Variants in FAT3 observed in about 807,000 individuals in gnomAD.
FAT3 encodes the protein FAT atypical cadherin 3, also known as protocadherin Fat 3.
A neutral mutation model predicts 310.2 loss-of-function variants in FAT3; 95 were observed. That is an observed-to-expected ratio of 0.31 (90% CI 0.26 to 0.36). The LOEUF (loss-of-function observed/expected upper bound fraction) is 0.36, where lower values mean the gene tolerates loss of function less well. FAT3 is among the 10% of genes least tolerant of loss of function. The pLI is 1.00. For missense variants in FAT3, 5,408 were observed against 5,715.6 expected (o/e 0.95, Z 1.74); for synonymous variants, 2,314 against 2,192.9 (o/e 1.06, Z -1.54).
At chr11:92,298,537 A>G (rs988241516) in intron 1 of FAT3, among the ~76,000 whole-genome samples, 1 of 152,144 alleles carries the variant, frequency 6.6e-6, no homozygotes, top group African/African-American at 2.4e-5. Context: ...TAACAATAAT[A>G]GCAGCATAAA....
At chr11:92,374,403 T>G (rs1229747590) in intron 2 of FAT3, among the ~76,000 whole-genome samples, 2 of 152,100 alleles carry the variant, frequency 1.3e-5, no homozygotes, top group Non-Finnish European at 2.9e-5. Flanking sequence ...ATTGTACAGG[T>G]GGTGGTGGGT....
At chr11:92,600,987 A>C (rs924047277) in intron 3 of FAT3, among the ~76,000 whole-genome samples, 21 of 152,288 alleles carry the variant, frequency 1.4e-4, no homozygotes, top group African/African-American at 5.1e-4. Flanking sequence ...GGCTGGAGCA[A>C]ACTTACGGAC....
chr11:92,729,937 T>C (rs1413993459), intron 4 of FAT3, among the ~76,000 whole-genome samples: 1 of 152,210 alleles, frequency 6.6e-6, no homozygotes, highest in African/African-American at 2.4e-5. Context: ...TATGAGAGTC[T>C]AGTGGTTATC....
At chr11:92,326,314 A>G (rs1947762675) in intron 1 of FAT3, among the ~76,000 whole-genome samples, 2 of 152,226 alleles carry the variant, frequency 1.3e-5, no homozygotes, top group Admixed American at 1.3e-4. Context: ...AATATTGTGT[A>G]GGCAAAAACA....
chr11:92,559,559 A>G, intron 3 of FAT3: 1 of 259,788 alleles, frequency 3.8e-6, no homozygotes, highest in Non-Finnish European at 7.9e-6. Flanking sequence ...TACTTTTTTA[A>G]ATAGTTGAGA....
intron 2 of FAT3, among the ~76,000 whole-genome samples, chr11:92,489,381 G>A (rs2135229636): frequency 6.6e-6 from 1 of 152,182 alleles, no homozygotes; most frequent in African/African-American, 2.4e-5. Flanking sequence ...CATCTGGTTG[G>A]AATGCACTTT....
In FAT3 at chr11:92,408,770, G is replaced by GA. The variant is rs555004861; in HGVS notation, c.3292+53370dup. ...CTATGTGAATAAGTGGTGATGTTGA[G>GA]AAAATGAGAGGATTAGAAAGCATAT... On this transcript the variant is annotated intron_variant, in intron 2 of 27. Coordinates refer to ENST00000525166, the MANE Select transcript of FAT3 (RefSeq NM_001367949.2). Among the ~76,000 whole-genome samples the GA allele has an allele frequency of 3.0e-4, 45 of 152,282 alleles. No individual in the cohort carries two copies. The South Asian group carries it at 8.7e-3, about 29-fold the overall frequency.
chr11:92,692,521 A>C (rs1292661568), intron 3 of FAT3, among the ~76,000 whole-genome samples: 1 of 152,248 alleles, frequency 6.6e-6, no homozygotes, highest in Non-Finnish European at 1.5e-5. Context: ...TTGTGGGCTT[A>C]GTTGTGTTTA....
At chr11:92,805,012 G>T in intron 10 of FAT3, 141 bp from the exon 11 acceptor site, 1 of 700,740 alleles carries the variant, frequency 1.4e-6, no homozygotes, top group East Asian at 2.9e-5. Context: ...GAATCAAAGG[G>T]AGTCTCAGTA....
At chr11:92,760,171 T>C (rs1946108066) in intron 4 of FAT3, among the ~76,000 whole-genome samples, 1 of 152,164 alleles carries the variant, frequency 6.6e-6, no homozygotes, top group South Asian at 2.1e-4. Context: ...AACAAAGCAA[T>C]TGGGAAAATA....
intron 3 of FAT3, among the ~76,000 whole-genome samples, chr11:92,645,324 G>A (rs2135740023): frequency 6.6e-6 from 1 of 152,224 alleles, no homozygotes; most frequent in East Asian, 1.9e-4. Flanking sequence ...CACTAATACT[G>A]TCTGTAATTA....
chr11:92,857,548 T>G (rs973664125), intron 20 of FAT3, among the ~76,000 whole-genome samples, 200 bp downstream of exon 20: 1 of 152,240 alleles, frequency 6.6e-6, no homozygotes, highest in African/African-American at 2.4e-5. Context: ...TAAGGGAGCA[T>G]GTAAAGACTA....
At chr11:92,705,855 GTGA>G (rs1944322025) in intron 4 of FAT3, among the ~76,000 whole-genome samples, 2 of 3,004 alleles carry the variant, frequency 6.7e-4, no homozygotes, top group African/African-American at 1.5e-3. Context: ...GATGGTGGTA[GTGA>G]TGGTGGTGGT....
intron 13 of FAT3, among the ~76,000 whole-genome samples, chr11:92,827,934 C>A (rs532451152): frequency 6.6e-6 from 1 of 152,152 alleles, no homozygotes; most frequent in Non-Finnish European, 1.5e-5. Context: ...CTCTTGGTAA[C>A]CTGGCATTTC....
intron 2 of FAT3, among the ~76,000 whole-genome samples, chr11:92,519,643 AATAT>A (rs1412101893): frequency 2.6e-5 from 4 of 152,136 alleles, no homozygotes; most frequent in Non-Finnish European, 5.9e-5. Flanking sequence ...TCTTATCCAG[AATAT>A]ATAAAGAACT....
At chr11:92,557,807 A>G (rs760603303) in intron 3 of FAT3, among the ~76,000 whole-genome samples, 1 of 152,218 alleles carries the variant, frequency 6.6e-6, no homozygotes, top group Non-Finnish European at 1.5e-5. Context: ...ATCTTGGCCT[A>G]TGATATACTA....
intron 2 of FAT3, among the ~76,000 whole-genome samples, chr11:92,447,412 G>T (rs769041701): frequency 6.6e-6 from 1 of 151,958 alleles, no homozygotes; most frequent in Non-Finnish European, 1.5e-5. Flanking sequence ...TGCCTACTTG[G>T]AGGTGGAGAT....
chr11:92,837,391 C>T (rs1948434051), intron 16 of FAT3, among the ~76,000 whole-genome samples: 1 of 152,286 alleles, frequency 6.6e-6, no homozygotes, highest in African/African-American at 2.4e-5. Flanking sequence ...ACATTTTTGG[C>T]TGTCATAACT....
At chr11:92,533,921 T>G (rs1260748425) in intron 3 of FAT3, among the ~76,000 whole-genome samples, 1 of 152,158 alleles carries the variant, frequency 6.6e-6, no homozygotes, top group African/African-American at 2.4e-5. Flanking sequence ...GAGCAGATGA[T>G]GGAGCTGTAT....
Sources: allele counts gnomAD v4.1 joint callset (sites outside exome capture counted in the v4.1 genomes callset), GRCh38; gene constraint gnomAD v4.1.1; transcripts MANE v1.5; gene names NCBI Gene and HGNC (gene_info 2026-07-23, HGNC 2026-07-21).